NCAM1: variants seen among roughly 807,000 people sequenced by gnomAD.
NCAM1 encodes the protein neural cell adhesion molecule 1, also known as antigen recognized by monoclonal antibody 5.1H11.
Under a neutral mutation model 109.8 loss-of-function variants are expected in NCAM1, and 14 were observed. That is an observed-to-expected ratio of 0.13 (90% CI 0.08 to 0.20). The LOEUF (loss-of-function observed/expected upper bound fraction) is 0.20, where lower values mean the gene tolerates loss of function less well. NCAM1 is among the 10% of genes least tolerant of loss of function. The pLI is 1.00. For missense variants in NCAM1, 774 were observed against 1,109.9 expected (o/e 0.70, Z 4.30); for synonymous variants, 418 against 442.9 (o/e 0.94, Z 0.70).
chr11:113,184,864 C>T (rs558295648), intron 1 of NCAM1, among the ~76,000 whole-genome samples: 1 of 151,952 alleles, frequency 6.6e-6, no homozygotes, highest in Non-Finnish European at 1.5e-5. Context: ...GGTGTCCAGT[C>T]GTAACGTCCT....
chr11:113,241,973 G>A (rs1945340510), intron 14 of NCAM1, among the ~76,000 whole-genome samples: 1 of 152,164 alleles, frequency 6.6e-6, no homozygotes, highest in South Asian at 2.1e-4. Context: ...TGCTTTTCCA[G>A]GCACTGTCCT....
rs573769870 is a variant in NCAM1 at position 113,264,508 on chromosome 11, G to T, written c.2131+4185G>T. ...CTTCACACCAGGGCAGTGGAGGCAG[G>T]CATGGTTTTTGGGCACAGGGCAGAG... is the stretch of plus-strand genomic sequence containing the variant. On this transcript the variant is annotated intron_variant, in intron 17 of 19. Transcript: ENST00000316851. 3.6e-4 allele frequency: 350 copies of T among 985,646 alleles called. 1 individual carries two copies. The African/African-American group carries it at 5.6e-3, about 16-fold the overall frequency. The allele number at this position is 985,646 out of a possible 1,614,324, so 61.1% of individuals were successfully genotyped here. A position where few individuals can be genotyped will look rare whatever the true frequency, so the allele number is the denominator to read the frequency against.
intron 14 of NCAM1, chr11:113,242,992 T>C: frequency 2.0e-6 from 3 of 1,484,760 alleles, no homozygotes; most frequent in Admixed American, 2.5e-5. Flanking sequence ...TGGTGTGGTT[T>C]CCTAAGCATG....
In NCAM1 at chr11:113,229,937, G is replaced by A. The variant is rs555061461; in HGVS notation, c.1090-1708G>A. ...ATCACACACTGGGGCCTGTTGTGGGGTGGGGGGAGCGGGGAGGGATAGCAT... is the reference window on the plus strand; with the variant it reads ...ATCACACACTGGGGCCTGTTGTGGGATGGGGGGAGCGGGGAGGGATAGCAT... On this transcript the variant is annotated intron_variant, in intron 9 of 19. Transcript: ENST00000316851. Among the ~76,000 whole-genome samples, 31 of 152,102 alleles carry A rather than the reference G, an allele frequency of 2.0e-4. No homozygotes were observed. In the South Asian group the frequency reaches 3.3e-3, roughly 16 times the overall value.
chr11:113,104,481 T>G (rs1555092179), intron 1 of NCAM1, among the ~76,000 whole-genome samples: 1 of 152,090 alleles, frequency 6.6e-6, no homozygotes, highest in African/African-American at 2.4e-5. Context: ...TGTTATTGCT[T>G]TTGTATTCCT....
At chr11:113,014,956 G>A (rs1023744548) in intron 1 of NCAM1, among the ~76,000 whole-genome samples, 6 of 152,184 alleles carry the variant, frequency 3.9e-5, no homozygotes, top group Admixed American at 3.3e-4. Context: ...AGTGGATGTG[G>A]CCCAGCCACC....
At chr11:113,165,056 A>G in intron 1 of NCAM1, among the ~76,000 whole-genome samples, 1 of 152,184 alleles carries the variant, frequency 6.6e-6, no homozygotes, top group Non-Finnish European at 1.5e-5. Context: ...TTGTCACGAT[A>G]TCACAGGGAC....
chr11:113,232,686 A>C (rs782401380), intron 11 of NCAM1, 32 bp from the exon 12 acceptor site: 4 of 1,533,852 alleles, frequency 2.6e-6, no homozygotes, highest in Admixed American at 3.3e-5. Flanking sequence ...CCCATAGGAC[A>C]CTTGTAACCC....
chr11:113,006,827 C>T (rs1273056577), intron 1 of NCAM1, among the ~76,000 whole-genome samples: 6 of 152,158 alleles, frequency 3.9e-5, no homozygotes, highest in African/African-American at 1.4e-4. Flanking sequence ...ACAGCACTGG[C>T]TGTGGCAATT....
In NCAM1 at chr11:113,260,132, GT is replaced by G; in HGVS notation, c.1954-11del. 6.2e-7 allele frequency: 1 copy of G among 1,602,512 alleles called. No individual in the cohort carries two copies. The highest frequency in any genetic ancestry group is 8.5e-7 in the Non-Finnish European group (1 of 1,176,144). ...TTGGTCTCTTGTATCCTTCTTGCCG[GT>G]TTCTCCCAGAAGCTCTCCTCCGAGT... On this transcript the variant is annotated splice_polypyrimidine_tract_variant and intron_variant, in intron 16 of 19. Transcript: ENST00000316851.
intron 1 of NCAM1, among the ~76,000 whole-genome samples, chr11:113,103,916 A>T (rs1021978933): frequency 6.6e-6 from 1 of 151,878 alleles, no homozygotes; most frequent in African/African-American, 2.4e-5. Flanking sequence ...TCTTCTTTTG[A>T]CTTTCTTCCA....
At position 113,227,571 on chromosome 11, in the gene NCAM1, A is replaced by C. The variant is rs181028365; in HGVS notation, c.1090-4074A>C. On this transcript the variant is annotated intron_variant, in intron 9 of 19. Coordinates refer to ENST00000316851, the MANE Select transcript of NCAM1 (RefSeq NM_181351.5). ...AATAGAAAAAGAGGGAATCTTCTCTAACTCATTTTATGAGGCCAGCATCAT... is the reference window on the plus strand; with the variant it reads ...AATAGAAAAAGAGGGAATCTTCTCTCACTCATTTTATGAGGCCAGCATCAT... 7.8e-3 allele frequency among the ~76,000 whole-genome samples: 1,194 copies of C among 152,338 alleles called. 17 individuals are homozygous for C. Among genetic ancestry groups the C allele is most frequent in the African/African-American group, 0.028 (1,146 of 41,584 alleles).
intron 17 of NCAM1, among the ~76,000 whole-genome samples, chr11:113,262,077 C>T (rs1246943518): frequency 1.3e-5 from 2 of 152,134 alleles, no homozygotes; most frequent in Non-Finnish European, 2.9e-5. Context: ...GCTGTGTTCT[C>T]GGTTAGACTT....
intron 1 of NCAM1, among the ~76,000 whole-genome samples, chr11:113,152,633 A>C (rs540474664): frequency 6.6e-6 from 1 of 152,242 alleles, no homozygotes; most frequent in African/African-American, 2.4e-5. Flanking sequence ...ATATAGGAAC[A>C]TGGAGCATTT....
chr11:113,275,481 C>T lies in NCAM1; in HGVS notation c.*94C>T. 2 of 1,392,100 alleles carry T rather than the reference C, an allele frequency of 1.4e-6. No homozygotes were observed. Among genetic ancestry groups the T allele is most frequent in the Non-Finnish European group, 2.0e-6 (2 of 1,016,238 alleles). The allele number at this position is 1,392,100 out of a possible 1,614,324, so 86.2% of individuals were successfully genotyped here. ...CACCACAGACACACACACGCACGCA[C>T]ACACACAAACACACATGCACACACA... On this transcript the variant is annotated 3_prime_UTR_variant, in exon 20 of 20. Transcript: ENST00000316851.
At chr11:113,132,744 C>T (rs1591354987) in intron 1 of NCAM1, among the ~76,000 whole-genome samples, 1 of 151,768 alleles carries the variant, frequency 6.6e-6, no homozygotes, top group Admixed American at 6.6e-5. Context: ...CTGTCCATTT[C>T]CCCTGTTTAG....
At chr11:113,001,833 T>C (rs1200584695) in intron 1 of NCAM1, among the ~76,000 whole-genome samples, 8 of 152,130 alleles carry the variant, frequency 5.3e-5, no homozygotes, top group African/African-American at 1.9e-4. Flanking sequence ...TGAGGTGCAG[T>C]ATTTTAGACA....
chr11:113,167,542 T>TA (rs1942845495), intron 1 of NCAM1, among the ~76,000 whole-genome samples: 1 of 61,474 alleles, frequency 1.6e-5, no homozygotes, highest in Non-Finnish European at 3.6e-5. Context: ...TTTTTTTTAA[T>TA]TAAAAAAAAA....
intron 5 of NCAM1, among the ~76,000 whole-genome samples, 165 bp downstream of exon 5, chr11:113,206,345 T>C (rs531237815): frequency 3.2e-4 from 49 of 151,148 alleles, no homozygotes; most frequent in Non-Finnish European, 6.0e-4. Flanking sequence ...TTTCTTTTTT[T>C]TTTTTTTTTT....
Sources: allele counts gnomAD v4.1 joint callset (sites outside exome capture counted in the v4.1 genomes callset), GRCh38; gene constraint gnomAD v4.1.1; transcripts MANE v1.5; gene names NCBI Gene and HGNC (gene_info 2026-07-23, HGNC 2026-07-21).